Variants in DTNA observed in about 807,000 individuals in gnomAD.
The protein encoded by DTNA is dystrophin-related protein 3.
A neutral mutation model predicts 100.7 loss-of-function variants in DTNA; 43 were observed. That is an observed-to-expected ratio of 0.43 (90% CI 0.33 to 0.55). The LOEUF (loss-of-function observed/expected upper bound fraction) is 0.55, where lower values mean the gene tolerates loss of function less well. Among genes scored for constraint, DTNA ranks in the 20% least tolerant of loss-of-function variants. The pLI, the probability that DTNA is intolerant of heterozygous loss-of-function variation, is 0.04. For missense variants in DTNA, 798 were observed against 953.9 expected (o/e 0.84, Z 2.15); for synonymous variants, 349 against 347.9 (o/e 1.00, Z -0.04).
chr18:34,734,985 C>T (rs1195010221), intron 1 of DTNA, among the ~76,000 whole-genome samples: 5 of 152,146 alleles, frequency 3.3e-5, no homozygotes, highest in Non-Finnish European at 5.9e-5. Flanking sequence ...TCTAGAACCA[C>T]TCCTGTTACC....
chr18:34,845,463 A>T (rs1033297145), intron 13 of DTNA, among the ~76,000 whole-genome samples: 3 of 152,196 alleles, frequency 2.0e-5, no homozygotes, highest in East Asian at 1.9e-4. Flanking sequence ...CAAGATTTTT[A>T]AAATTATTTA....
intron 11 of DTNA, among the ~76,000 whole-genome samples, chr18:34,836,426 G>A (rs915460070): frequency 2.6e-5 from 4 of 152,096 alleles, no homozygotes; most frequent in South Asian, 4.1e-4. Context: ...GCCGAGGGGG[G>A]CAGATCACTT....
At chr18:34,887,144 C>A (rs1239471806) in intron 22 of DTNA, among the ~76,000 whole-genome samples, 1 of 152,050 alleles carries the variant, frequency 6.6e-6, no homozygotes, top group African/African-American at 2.4e-5. Flanking sequence ...GAGCTTTAGG[C>A]TTATTTGAAA....
At position 34,888,086 on chromosome 18, in the gene DTNA, A is replaced by G; in HGVS notation, c.*352A>G. ...ATCCCTGGTTAAAAAGCAAACAAAC[A>G]CAGGCTGAAAACCCATGCTGCTGTT... On this transcript the variant is annotated 3_prime_UTR_variant, in exon 23 of 23. Coordinates refer to ENST00000444659, the MANE Select transcript of DTNA (RefSeq NM_001386795.1). The G allele has an allele frequency of 1.0e-6, 1 of 985,904 alleles. No homozygotes were observed. Among genetic ancestry groups the G allele is most frequent in the Non-Finnish European group, 1.2e-6 (1 of 829,942 alleles). 61.1% of individuals were successfully genotyped at this position (985,904 alleles called of 1,614,324 possible).
At chr18:34,597,613 TGTCTTAAAAG>T (rs1418880609) in intron 1 of DTNA, among the ~76,000 whole-genome samples, 1 of 152,212 alleles carries the variant, frequency 6.6e-6, no homozygotes, top group Non-Finnish European at 1.5e-5. Context: ...GTCCTTAGTA[TGTCTTAAAAG>T]GTCCATCACA....
chr18:34,850,481 G>A (rs545547972), intron 14 of DTNA, among the ~76,000 whole-genome samples: 3 of 152,234 alleles, frequency 2.0e-5, no homozygotes, highest in South Asian at 2.1e-4. Context: ...CTGAAAAGAG[G>A]TGTAAATTAA....
rs184078201 is a variant in DTNA at position 34,731,788 on chromosome 18, C to T, written c.-2+21343C>T. 1.6e-3 allele frequency among the ~76,000 whole-genome samples: 243 copies of T among 152,276 alleles called. 2 individuals carry two copies. The highest frequency in any genetic ancestry group is 5.7e-3 in the African/African-American group (235 of 41,570). ...TACAGTGCCTGGCCCACATATTTAA[C>T]TCTTTATTGTATTAATGAATAGATA... On this transcript the variant is annotated intron_variant, in intron 1 of 22. Coordinates refer to ENST00000444659, the MANE Select transcript of DTNA (RefSeq NM_001386795.1).
At chr18:34,670,781 A>G (rs1454324816) in intron 1 of DTNA, among the ~76,000 whole-genome samples, 2 of 152,078 alleles carry the variant, frequency 1.3e-5, no homozygotes, top group Non-Finnish European at 2.9e-5. Flanking sequence ...GTTCCTCTGG[A>G]GGTTTTGTCT....
chr18:34,815,735 CG>C, intron 6 of DTNA, 173 bp from the exon 7 acceptor site: 1 of 616,662 alleles, frequency 1.6e-6, no homozygotes. Flanking sequence ...AAAAAGCAAA[CG>C]ATGTTTTCAG....
chr18:34,661,436 T>A (rs1347677367), intron 1 of DTNA, among the ~76,000 whole-genome samples: 4 of 152,196 alleles, frequency 2.6e-5, no homozygotes. Context: ...TGATGAGGTC[T>A]GAAACTCTTG....
At position 34,889,278 on chromosome 18, in the gene DTNA, A is replaced by G. The variant is rs962811035; in HGVS notation, c.*1544A>G. ...GTTCCCCGGACAAGCAGCATCTGCA[A>G]CACTTAGGAAGGTCTTCGAAATACT... On this transcript the variant is annotated 3_prime_UTR_variant, in exon 23 of 23. Transcript: ENST00000444659. 1 of 984,268 alleles carries G rather than the reference A, an allele frequency of 1.0e-6. No individual in the cohort carries two copies. Among genetic ancestry groups the G allele is most frequent in the Non-Finnish European group, 1.2e-6 (1 of 828,894 alleles). 61.0% of individuals were successfully genotyped at this position (984,268 alleles called of 1,614,324 possible). A position where few individuals can be genotyped will look rare whatever the true frequency, so the allele number is the denominator to read the frequency against.
intron 1 of DTNA, among the ~76,000 whole-genome samples, chr18:34,552,032 C>T (rs761620290): frequency 2.0e-5 from 3 of 152,086 alleles, no homozygotes; most frequent in Non-Finnish European, 4.4e-5. Context: ...GCTGTCACTG[C>T]TTGGCTCCAT....
intron 1 of DTNA, among the ~76,000 whole-genome samples, chr18:34,576,038 T>C (rs1203731144): frequency 6.6e-6 from 1 of 152,196 alleles, no homozygotes; most frequent in Non-Finnish European, 1.5e-5. Context: ...CATGATGTTC[T>C]TTCTCCCTAC....
chr18:34,870,143 T>C (rs2096750804), intron 17 of DTNA, among the ~76,000 whole-genome samples: 2 of 152,236 alleles, frequency 1.3e-5, no homozygotes, highest in Admixed American at 6.5e-5. Flanking sequence ...TGTTTCTTAT[T>C]TGGGAAGATA....
At chr18:34,693,814 C>T (rs888366728) in intron 1 of DTNA, among the ~76,000 whole-genome samples, 4 of 151,120 alleles carry the variant, frequency 2.6e-5, no homozygotes, top group African/African-American at 9.8e-5. Context: ...CACTAAACTG[C>T]CCTTTAATGG....
chr18:34,645,536 C>A (rs1237002999), intron 1 of DTNA, among the ~76,000 whole-genome samples: 3 of 152,012 alleles, frequency 2.0e-5, no homozygotes, highest in African/African-American at 7.2e-5. Context: ...CATAGAAAAA[C>A]CTACAGATAT....
chr18:34,701,260 C>G (rs187368156), intron 1 of DTNA, among the ~76,000 whole-genome samples: 3 of 152,112 alleles, frequency 2.0e-5, no homozygotes, highest in African/African-American at 7.2e-5. Context: ...CCTCAACATT[C>G]CCCCAAAAAA....
At chr18:34,726,718 C>G (rs888571233) in intron 1 of DTNA, among the ~76,000 whole-genome samples, 6 of 152,230 alleles carry the variant, frequency 3.9e-5, no homozygotes, top group Non-Finnish European at 8.8e-5. Context: ...AGACTGCCAC[C>G]GAGTGGCTGC....
intron 1 of DTNA, among the ~76,000 whole-genome samples, chr18:34,684,460 C>T (rs1008421081): frequency 6.6e-6 from 1 of 152,116 alleles, no homozygotes; most frequent in African/African-American, 2.4e-5. Context: ...CATCCATATT[C>T]CTGTAAAGGA....
Sources: allele counts gnomAD v4.1 joint callset (sites outside exome capture counted in the v4.1 genomes callset), GRCh38; gene constraint gnomAD v4.1.1; transcripts MANE v1.5; gene names NCBI Gene and HGNC (gene_info 2026-07-23, HGNC 2026-07-21).